The following NEURL1 variants were observed in gnomAD, a reference collection of about 807,000 sequenced individuals.
NEURL1 encodes the protein E3 ubiquitin-protein ligase NEURL1.
Under a neutral mutation model 41.2 loss-of-function variants are expected in NEURL1, and 26 were observed. The ratio of observed to expected loss-of-function variants is 0.63; its 90% confidence interval spans 0.46 to 0.87. The LOEUF is 0.87. Ranked by LOEUF, NEURL1 falls within the 40% of genes least tolerant of loss-of-function variation. NEURL1 has a pLI of 0.00. For missense variants in NEURL1, 761 were observed against 871.1 expected, an observed-to-expected ratio of 0.87 and a Z score of 1.59; for synonymous variants, 400 against 402.3, an observed-to-expected ratio of 0.99 and a Z score of 0.07.
At chr10:103,506,762 G>A (rs2033956726) in intron 1 of NEURL1, among the ~76,000 whole-genome samples, 3 of 152,180 alleles carry the variant, frequency 2.0e-5, no homozygotes, top group Non-Finnish European at 4.4e-5. Context: ...GTTTCACCAT[G>A]TTGGCCAGGC....
At chr10:103,496,798 T>C (rs1029998647) in intron 1 of NEURL1, among the ~76,000 whole-genome samples, 100 of 152,332 alleles carry the variant, frequency 6.6e-4, no homozygotes, top group African/African-American at 2.2e-3. Flanking sequence ...CAGGGGTTAG[T>C]TGGCCCTTAA....
chr10:103,592,233 T>C lies in NEURL1; in HGVS notation c.*1861T>C, dbSNP rs891206536. The C allele has an allele frequency of 6.6e-6, 1 of 152,186 alleles. No individual in the cohort carries two copies. The highest frequency in any genetic ancestry group is 2.4e-5 in the African/African-American group (1 of 41,394). 9.4% of individuals were successfully genotyped at this position (152,186 alleles called of 1,614,324 possible). ...GCAGGCTTTCTGTGTGACTCGGGAG[T>C]TCTTCCGTGAGGGCTGCCAGGGGGT... On this transcript the variant is annotated 3_prime_UTR_variant, in exon 6 of 6. Transcript: ENST00000369780. This position sits in a 1 kb window ranked among gnomAD's most constrained non-coding sequence, Gnocchi z 4.8.
At chr10:103,515,723 C>A (rs1423903879) in intron 1 of NEURL1, among the ~76,000 whole-genome samples, 1 of 152,190 alleles carries the variant, frequency 6.6e-6, no homozygotes, top group East Asian at 1.9e-4. Context: ...TCCACACAGA[C>A]CCTAGGTGTC....
intron 1 of NEURL1, among the ~76,000 whole-genome samples, chr10:103,546,193 G>A (rs1165377710): frequency 6.6e-6 from 1 of 152,164 alleles, no homozygotes; most frequent in African/African-American, 2.4e-5. Flanking sequence ...TGGGTGCAGT[G>A]GCCCTGGGTC....
chr10:103,525,851 ATC>A (rs1491361124), intron 1 of NEURL1, among the ~76,000 whole-genome samples: 1 of 152,132 alleles, frequency 6.6e-6, no homozygotes, highest in Non-Finnish European at 1.5e-5. Context: ...CTTTCAACTT[ATC>A]CCCTTTCAGT....
intron 1 of NEURL1, among the ~76,000 whole-genome samples, chr10:103,536,665 G>A (rs2034700685): frequency 6.6e-6 from 1 of 152,260 alleles, no homozygotes; most frequent in South Asian, 2.1e-4. Flanking sequence ...CCTCCCGAGT[G>A]TGATAGCATT....
At chr10:103,539,988 C>T (rs6584556) in intron 1 of NEURL1, among the ~76,000 whole-genome samples, 4 of 151,992 alleles carry the variant, frequency 2.6e-5, no homozygotes, top group Non-Finnish European at 5.9e-5. Context: ...TGGAAGATGG[C>T]GTAGAAAGAT....
At chr10:103,512,880 C>G (rs1478535952) in intron 1 of NEURL1, among the ~76,000 whole-genome samples, 2 of 152,098 alleles carry the variant, frequency 1.3e-5, no homozygotes, top group African/African-American at 4.8e-5. Flanking sequence ...TGGGTCCCTT[C>G]TCTCCCCTCT....
chr10:103,553,336 T>C (rs1333233542), intron 1 of NEURL1, among the ~76,000 whole-genome samples: 1 of 152,196 alleles, frequency 6.6e-6, no homozygotes, highest in East Asian at 1.9e-4. Context: ...TTTGGCTTAC[T>C]TTCTCCTTGT....
Position 103,584,666 on chromosome 10 carries a change from G to A in NEURL1, c.780G>A (p.Ala260=), listed in dbSNP as rs772230879. The A allele has an allele frequency of 9.8e-6, 14 of 1,427,146 alleles. No individual in the cohort carries two copies. Among genetic ancestry groups the A allele is most frequent in the Non-Finnish European group, 1.3e-5 (14 of 1,096,780 alleles). 88.4% of individuals were successfully genotyped at this position (1,427,146 alleles called of 1,614,324 possible). Residue 260 remains alanine, a synonymous_variant, in exon 4 of 6, where the codon GCG becomes GCA. Transcript: ENST00000369780. Reference sequence around the variant, plus strand: ...TATGCGACCTCAACGTGCCGGGCGCGGACGGCGACGAGGCCGCGCCGGCCG... The same window carrying A: ...TATGCGACCTCAACGTGCCGGGCGCAGACGGCGACGAGGCCGCGCCGGCCG... ...VSLCDLNVPG[A]DGDEAAPAAG...
intron 1 of NEURL1, chr10:103,494,817 A>G (rs1394495420): frequency 1.1e-5 from 3 of 272,146 alleles, no homozygotes; most frequent in Non-Finnish European, 2.1e-5. Flanking sequence ...CCGTGTCTCC[A>G]GGGAGGCACC....
chr10:103,568,043 G>C (rs1274500488), intron 1 of NEURL1, among the ~76,000 whole-genome samples: 1 of 152,236 alleles, frequency 6.6e-6, no homozygotes, highest in Non-Finnish European at 1.5e-5. Context: ...GGATACGGGA[G>C]AGGATGAACG....
At chr10:103,537,022 G>T (rs530527730) in intron 1 of NEURL1, among the ~76,000 whole-genome samples, 5 of 152,122 alleles carry the variant, frequency 3.3e-5, no homozygotes, top group Non-Finnish European at 5.9e-5. Context: ...ACAGTATTTG[G>T]TTTTTTTGTG....
chr10:103,563,992 G>A lies in NEURL1; in HGVS notation c.86-6880G>A, dbSNP rs557733001. Among the ~76,000 whole-genome samples the A allele has an allele frequency of 2.2e-3, 340 of 152,322 alleles. 1 individual carries two copies. Among genetic ancestry groups the A allele is most frequent in the Admixed American group, 3.5e-3 (54 of 15,310 alleles). On this transcript the variant is annotated intron_variant, in intron 1 of 5. Transcript: ENST00000369780. Reference sequence around the variant, plus strand: ...AGTATCAGTGCCTCTGCTCTTGGCTGGGGTGGTGAGCTCCCCCCCATCTCT... The same window carrying A: ...AGTATCAGTGCCTCTGCTCTTGGCTAGGGTGGTGAGCTCCCCCCCATCTCT...
chr10:103,574,239 C>T (rs1226012594), intron 3 of NEURL1, among the ~76,000 whole-genome samples: 1 of 152,194 alleles, frequency 6.6e-6, no homozygotes, highest in Non-Finnish European at 1.5e-5. Flanking sequence ...AGCAAACACT[C>T]CAGACGATGC....
At chr10:103,555,499 G>A (rs1592218899) in intron 1 of NEURL1, 1 of 1,186,050 alleles carries the variant, frequency 8.4e-7, no homozygotes. Context: ...TGGGGCTGAG[G>A]GCTTGGTCAT....
chr10:103,503,146 C>T (rs1259722445), intron 1 of NEURL1, among the ~76,000 whole-genome samples: 1 of 152,224 alleles, frequency 6.6e-6, no homozygotes, highest in Non-Finnish European at 1.5e-5. Flanking sequence ...CCTGTGGGTC[C>T]CGCCTGGCCA....
intron 2 of NEURL1, 105 bp downstream of exon 2, chr10:103,571,218 C>G (rs1213652296): frequency 8.7e-7 from 1 of 1,151,696 alleles, no homozygotes; most frequent in African/African-American, 1.5e-5. Context: ...TGCTGCCACC[C>G]CCAGCACCAC....
chr10:103,546,389 C>A (rs2034925560), intron 1 of NEURL1, among the ~76,000 whole-genome samples: 1 of 152,208 alleles, frequency 6.6e-6, no homozygotes, highest in South Asian at 2.1e-4. Context: ...TCTTTCTGTA[C>A]AAAGGGATGA....
Sources: gnomAD v4.1 joint callset for allele counts (sites outside exome capture counted in the v4.1 genomes callset) on GRCh38, gnomAD v4.1.1 for gene constraint, Gnocchi (gnomAD v3.1) non-coding constraint, MANE v1.5 for transcripts, NCBI Gene and HGNC (gene_info 2026-07-23, HGNC 2026-07-21) for gene names.